The following KCND2 variants were observed in gnomAD, a reference collection of about 807,000 sequenced individuals.
KCND2 encodes the protein potassium voltage-gated channel subfamily D member 2.
A neutral mutation model predicts 54.4 loss-of-function variants in KCND2; 16 were observed. That is an observed-to-expected ratio of 0.29 (90% CI 0.20 to 0.45). KCND2 has a LOEUF of 0.45. Ranked by LOEUF, KCND2 falls within the 20% of genes least tolerant of loss-of-function variation. The pLI is 1.00. For synonymous variants in KCND2, 317 were observed against 310.7 expected, an observed-to-expected ratio of 1.02 and a Z score of -0.21; for missense variants, 486 against 824.2, an observed-to-expected ratio of 0.59 and a Z score of 5.02.
intron 1 of KCND2, among the ~76,000 whole-genome samples, chr7:120,432,094 A>G (rs1013101043): frequency 2.6e-5 from 4 of 152,174 alleles, no homozygotes; most frequent in Non-Finnish European, 4.4e-5. Flanking sequence ...CACCGTGACA[A>G]ACCTTCAAAT....
intron 1 of KCND2, among the ~76,000 whole-genome samples, chr7:120,372,125 A>G (rs1182292904): frequency 6.6e-6 from 1 of 151,842 alleles, no homozygotes; most frequent in African/African-American, 2.4e-5. Context: ...ATTCTTTGGT[A>G]TTGTTTTAGA....
rs1289665389 is a variant in KCND2, at chr7:120,637,145, CA to C, written c.1116-95751del. Among the ~76,000 whole-genome samples the C allele has an allele frequency of 2.6e-5, 4 of 151,908 alleles. No individual in the cohort carries two copies. The East Asian group carries it at 7.7e-4, about 29-fold the overall frequency. ...ATGTTCCAAAACACATAGTAAGTGC[CA>C]AAAAAAGTTTGCTAAATTTTGACAA... On this transcript the variant is annotated intron_variant, in intron 1 of 5. Transcript: ENST00000331113.
intron 1 of KCND2, among the ~76,000 whole-genome samples, chr7:120,542,246 A>G (rs1234313588): frequency 6.6e-6 from 1 of 152,146 alleles, no homozygotes; most frequent in Admixed American, 6.6e-5. Flanking sequence ...GTGCTTACCA[A>G]ACATTGAGTA....
Position 120,275,272 on chromosome 7 carries a change from G to T in KCND2, c.640G>T (p.Gly214Cys). The T allele has an allele frequency of 6.2e-7, 1 of 1,613,808 alleles. No homozygotes were observed. Among genetic ancestry groups the T allele is most frequent in the Non-Finnish European group, 8.5e-7 (1 of 1,179,982 alleles). Residue 214 changes from glycine to cysteine, a missense_variant, in exon 1 of 6, where the codon GGT (glycine) becomes TGT (cysteine). This residue lies in a region of KCND2 where 231 missense variants were observed against 386.0 expected (regional missense o/e 0.60). Coordinates refer to ENST00000331113, the MANE Select transcript of KCND2 (RefSeq NM_012281.3). ...AACAGTGCCGTGCGGATCAAGCCCA[G>T]GTCACATTAAAGAACTGCCCTGTGG... is the stretch of plus-strand genomic sequence containing the variant. ...VETVPCGSSP[G>C]HIKELPCGER...
In KCND2 at chr7:120,723,340, T is replaced by G. The variant is rs143363880; in HGVS notation, c.1116-9563T>G. On this transcript the variant is annotated intron_variant, in intron 1 of 5. Coordinates refer to ENST00000331113, the MANE Select transcript of KCND2 (RefSeq NM_012281.3). ...TCACAAGGTTTAACCAGAGAGGATC[T>G]TGTTAAGAAAAATAACTACCACACG... is the stretch of plus-strand genomic sequence containing the variant. 4.4e-3 allele frequency among the ~76,000 whole-genome samples: 664 copies of G among 152,292 alleles called. 5 individuals are homozygous for G. Among genetic ancestry groups the G allele is most frequent in the African/African-American group, 0.015 (637 of 41,576 alleles).
rs151035315 is a variant in KCND2 at position 120,652,223 on chromosome 7, G to A, written c.1116-80680G>A. Among the ~76,000 whole-genome samples, 1,330 of 151,950 alleles carry A rather than the reference G, an allele frequency of 8.8e-3. 15 individuals carry two copies. Among genetic ancestry groups the A allele is most frequent in the African/African-American group, 0.029 (1,205 of 41,436 alleles). The stretch of plus-strand genomic sequence containing the variant: ...CCTGAGTAGCTGGGACTACAGGTGC[G>A]CACCACCACACCCAGCTAATTTTTT... On this transcript the variant is annotated intron_variant, in intron 1 of 5. Coordinates refer to ENST00000331113, the MANE Select transcript of KCND2 (RefSeq NM_012281.3).
chr7:120,462,864 G>A (rs185863113), intron 1 of KCND2, among the ~76,000 whole-genome samples: 7 of 151,922 alleles, frequency 4.6e-5, no homozygotes, highest in Non-Finnish European at 1.0e-4. Flanking sequence ...TTTCAATGAA[G>A]TGTGCAAATA....
At chr7:120,508,669 C>G (rs142037712) in intron 1 of KCND2, among the ~76,000 whole-genome samples, 49 of 151,994 alleles carry the variant, frequency 3.2e-4, no homozygotes, top group African/African-American at 1.1e-3. Context: ...TTCAAAAGGC[C>G]TGTTTTAATT....
chr7:120,365,921 AT>A (rs1800671253), intron 1 of KCND2, among the ~76,000 whole-genome samples: 2 of 152,172 alleles, frequency 1.3e-5, no homozygotes. Context: ...AAAATGAGAT[AT>A]TTAATAGACA....
rs373082220 is a variant in KCND2, at chr7:120,595,706, A to G, written c.1116-137197A>G. 1.3e-4 allele frequency among the ~76,000 whole-genome samples: 19 copies of G among 151,046 alleles called. No homozygotes were observed. In the East Asian group the frequency reaches 3.3e-3, roughly 26 times the overall value. On this transcript the variant is annotated intron_variant, in intron 1 of 5. Transcript: ENST00000331113. ...TAGCTAAGTCCAAACAATCTCAATG[A>G]TATTTTTAATCCCATTTTTGAGGGC...
chr7:120,467,762 C>A (rs749227146), intron 1 of KCND2, among the ~76,000 whole-genome samples: 1 of 152,068 alleles, frequency 6.6e-6, no homozygotes, highest in Non-Finnish European at 1.5e-5. Context: ...ACACAACACA[C>A]GTTCTACTAA....
intron 1 of KCND2, among the ~76,000 whole-genome samples, chr7:120,330,579 CT>C (rs1800051743): frequency 1.0e-4 from 1 of 9,726 alleles, no homozygotes; most frequent in Non-Finnish European, 3.7e-4. Flanking sequence ...AAAACTCTGT[CT>C]CAAAAAAAAA....
At chr7:120,446,076 T>C (rs1220055496) in intron 1 of KCND2, among the ~76,000 whole-genome samples, 1 of 152,182 alleles carries the variant, frequency 6.6e-6, no homozygotes, top group African/African-American at 2.4e-5. Context: ...CATATATCAC[T>C]CCATCTAGCC....
chr7:120,406,087 T>C lies in KCND2; in HGVS notation c.1115+130340T>C, dbSNP rs530730152. 5.9e-5 allele frequency among the ~76,000 whole-genome samples: 9 copies of C among 152,102 alleles called. No individual in the cohort carries two copies. In the East Asian group the frequency reaches 1.5e-3, roughly 26 times the overall value. ...CAGTTCTCATCACAAACAAATATCT[T>C]AATGTAATATATTTATTTTTTCCCA... On this transcript the variant is annotated intron_variant, in intron 1 of 5. Coordinates refer to ENST00000331113, the MANE Select transcript of KCND2 (RefSeq NM_012281.3).
chr7:120,301,632 T>C (rs888400646), intron 1 of KCND2, among the ~76,000 whole-genome samples: 1 of 152,172 alleles, frequency 6.6e-6, no homozygotes, highest in Admixed American at 6.6e-5. Context: ...CTAGTTTCTT[T>C]TGAGGAATAA....
intron 1 of KCND2, among the ~76,000 whole-genome samples, chr7:120,326,463 A>C (rs919981331): frequency 2.0e-5 from 3 of 152,128 alleles, no homozygotes; most frequent in African/African-American, 7.2e-5. Context: ...TTTCGATTAC[A>C]ACAATATGCA....
intron 1 of KCND2, among the ~76,000 whole-genome samples, chr7:120,293,450 C>T (rs1180447766): frequency 6.6e-6 from 1 of 151,892 alleles, no homozygotes; most frequent in African/African-American, 2.4e-5. Context: ...TCTGGTTCTG[C>T]TTGACCAGAG....
At chr7:120,364,689 T>G (rs972888866) in intron 1 of KCND2, among the ~76,000 whole-genome samples, 1 of 152,024 alleles carries the variant, frequency 6.6e-6, no homozygotes, top group Admixed American at 6.6e-5. Flanking sequence ...GTAAGGAGGA[T>G]TCTGGCTAAA....
At chr7:120,493,553 C>T (rs1160739415) in intron 1 of KCND2, among the ~76,000 whole-genome samples, 1 of 152,004 alleles carries the variant, frequency 6.6e-6, no homozygotes, top group Non-Finnish European at 1.5e-5. Flanking sequence ...AGAAAATTGA[C>T]AAAGGACATA....
Sources: allele counts gnomAD v4.1 joint callset (sites outside exome capture counted in the v4.1 genomes callset), GRCh38; gene constraint gnomAD v4.1.1; regional missense constraint gnomAD v4.1.1; transcripts MANE v1.5; gene names NCBI Gene and HGNC (gene_info 2026-07-23, HGNC 2026-07-21).